Variants in LNX1 observed in about 807,000 individuals in gnomAD.
The protein encoded by LNX1 is ligand of numb-protein X 1.
Under a neutral mutation model 68.4 loss-of-function variants are expected in LNX1, and 54 were observed. The observed-to-expected ratio is 0.79, with a 90% confidence interval of 0.63 to 0.99. The LOEUF (loss-of-function observed/expected upper bound fraction) is 0.99, where lower values mean the gene tolerates loss of function less well. LNX1 is among the 50% of genes least tolerant of loss of function. The pLI is 0.00. For synonymous variants in LNX1, 336 were observed against 350.0 expected, an observed-to-expected ratio of 0.96 and a Z score of 0.45; for missense variants, 906 against 926.4, an observed-to-expected ratio of 0.98 and a Z score of 0.29.
At chr4:53,563,930 A>G (rs1730457046) in intron 2 of LNX1, among the ~76,000 whole-genome samples, 2 of 152,230 alleles carry the variant, frequency 1.3e-5, no homozygotes, top group East Asian at 1.9e-4. Flanking sequence ...TACATACAAC[A>G]TATTTGTGGA....
At chr4:53,558,663 G>A (rs796196456) in intron 2 of LNX1, among the ~76,000 whole-genome samples, 11 of 152,316 alleles carry the variant, frequency 7.2e-5, no homozygotes, top group African/African-American at 2.6e-4. Flanking sequence ...ATAACAAAGA[G>A]CCTGGATAGA....
At chr4:53,643,776 T>A (rs1734777266) in intron 1 of LNX1, among the ~76,000 whole-genome samples, 1 of 152,138 alleles carries the variant, frequency 6.6e-6, no homozygotes, top group Non-Finnish European at 1.5e-5. Flanking sequence ...ACCTGAAACA[T>A]GGAAATAACA....
intron 9 of LNX1, among the ~76,000 whole-genome samples, chr4:53,471,029 C>T (rs74794020): frequency 0.52 from 34,976 of 66,850 alleles, 10,602 homozygotes; most frequent in Middle Eastern, 0.66. Flanking sequence ...GCCCGCATTG[C>T]CAAGTCAATC....
chr4:53,521,790 C>T (rs1385143484), intron 2 of LNX1, among the ~76,000 whole-genome samples: 1 of 151,982 alleles, frequency 6.6e-6, no homozygotes, highest in Non-Finnish European at 1.5e-5. Flanking sequence ...CTTCTATCAC[C>T]CTTGGGCCAG....
intron 2 of LNX1, among the ~76,000 whole-genome samples, chr4:53,568,448 C>G (rs199824448): frequency 9.9e-5 from 15 of 152,130 alleles, no homozygotes; most frequent in Non-Finnish European, 1.5e-4. Context: ...ATTCAACAAC[C>G]TTTCATGCTA....
In LNX1 at chr4:53,556,272, A is replaced by G. The variant is rs727943; in HGVS notation, c.380+17351T>C. Reference sequence around the variant, plus strand: ...CCACAAGCCAAGGAACACCTGCAGCACCCCCCTCCACAAAACTAGAAGAAT... The same window carrying G: ...CCACAAGCCAAGGAACACCTGCAGCGCCCCCCTCCACAAAACTAGAAGAAT... On this transcript the variant is annotated intron_variant, in intron 2 of 10. Coordinates refer to ENST00000263925, the MANE Select transcript of LNX1 (RefSeq NM_001126328.3). Among the ~76,000 whole-genome samples, 557 of 151,990 alleles carry G rather than the reference A, an allele frequency of 3.7e-3. 5 individuals carry two copies. The highest frequency in any genetic ancestry group is 0.013 in the African/African-American group (538 of 41,408).
At chr4:53,554,549 A>T (rs1265888726) in intron 2 of LNX1, among the ~76,000 whole-genome samples, 5 of 152,212 alleles carry the variant, frequency 3.3e-5, no homozygotes, top group Non-Finnish European at 2.9e-5. Flanking sequence ...TGCCCGAATG[A>T]TACATGTTTT....
At chr4:53,517,265 T>A (rs988385478) in intron 2 of LNX1, among the ~76,000 whole-genome samples, 3 of 152,216 alleles carry the variant, frequency 2.0e-5, no homozygotes, top group Non-Finnish European at 4.4e-5. Flanking sequence ...CTTGATCTTT[T>A]TTTTTGAAAG....
chr4:53,601,810 A>T (rs925395598), intron 2 of LNX1, among the ~76,000 whole-genome samples: 3 of 152,066 alleles, frequency 2.0e-5, no homozygotes, highest in African/African-American at 7.2e-5. Flanking sequence ...GGAATAAGGA[A>T]CCACATGCCA....
upstream of LNX1, among the ~76,000 whole-genome samples, chr4:53,620,327 C>A (rs1357456945): frequency 6.6e-6 from 1 of 152,122 alleles, no homozygotes; most frequent in East Asian, 1.9e-4. Context: ...ATTATAAATG[C>A]AAACTCTCAA....
chr4:53,468,854 C>G (rs1722912642), intron 9 of LNX1, among the ~76,000 whole-genome samples: 1 of 152,158 alleles, frequency 6.6e-6, no homozygotes, highest in Non-Finnish European at 1.5e-5. Flanking sequence ...TCCTTAGTGA[C>G]CTACAAAGAG....
chr4:53,647,924 T>C (rs1164476465), intron 1 of LNX1, among the ~76,000 whole-genome samples: 2 of 152,274 alleles, frequency 1.3e-5, no homozygotes, highest in South Asian at 2.1e-4. Flanking sequence ...TCAACCATGA[T>C]GTGGCATGTG....
rs183441243 is a variant in LNX1, at chr4:53,598,597, G to A, written c.-214-7082C>T. ...CGAGGAAAGGAATGTGACTTTCCAC[G>A]TACTCTCAGGACTTAGCCTGGTATC... is the stretch of plus-strand genomic sequence containing the variant. On this transcript the variant is annotated intron_variant, in intron 2 of 3. Transcript: ENST00000504299. 3.5e-3 allele frequency among the ~76,000 whole-genome samples: 528 copies of A among 152,212 alleles called. 8 individuals carry two copies. The highest frequency in any genetic ancestry group is 2.0e-3 in the Non-Finnish European group (139 of 68,010).
In LNX1 at chr4:53,610,715, G is replaced by GAAAAAAA. The variant is rs10553873; in HGVS notation, c.-215+5795_-215+5801dup. Among the ~76,000 whole-genome samples the GAAAAAAA allele has an allele frequency of 3.7e-3, 420 of 112,382 alleles. 2 individuals carry two copies. The highest frequency in any genetic ancestry group is 6.1e-3 in the East Asian group (22 of 3,608). The allele number at this position is 112,382 out of a possible 152,430, so 73.7% of individuals were successfully genotyped here. A position where few individuals can be genotyped will look rare whatever the true frequency, so the allele number is the denominator to read the frequency against. On this transcript the variant is annotated intron_variant, in intron 2 of 3. Transcript: ENST00000504299. ...AGAGCAAGACTCCCGTCTCAAAGAG[G>GAAAAAAA]AAAAAAAAAAAAAAAAAAGAAATAA...
intron 9 of LNX1, among the ~76,000 whole-genome samples, chr4:53,464,225 T>G (rs1722467312): frequency 6.6e-6 from 1 of 152,104 alleles, no homozygotes; most frequent in South Asian, 2.1e-4. Flanking sequence ...CCAATTTATA[T>G]GAACTATGAC....
In LNX1 at chr4:53,466,459, G is replaced by A. The variant is rs754183022; in HGVS notation, c.1893-4866C>T. ...TTTCTGCATTTCCAACTGAGATACTGGGTTCATCTCACTAGGGAGTGCCAG... is the reference window on the plus strand; with the variant it reads ...TTTCTGCATTTCCAACTGAGATACTAGGTTCATCTCACTAGGGAGTGCCAG... On this transcript the variant is annotated intron_variant, in intron 9 of 10. Transcript: ENST00000263925. 4.6e-5 allele frequency among the ~76,000 whole-genome samples: 7 copies of A among 152,350 alleles called. No homozygotes were observed. The South Asian group carries it at 1.2e-3, about 27-fold the overall frequency.
intron 9 of LNX1, among the ~76,000 whole-genome samples, chr4:53,468,083 G>A (rs1451770945): frequency 6.6e-6 from 1 of 152,160 alleles, no homozygotes; most frequent in Non-Finnish European, 1.5e-5. Flanking sequence ...GTTCAGGGCA[G>A]CCAGAGAGAA....
intron 9 of LNX1, among the ~76,000 whole-genome samples, chr4:53,474,496 G>A (rs938142098): frequency 1.2e-4 from 18 of 152,146 alleles, no homozygotes; most frequent in African/African-American, 4.3e-4. Flanking sequence ...GAAAAGATTT[G>A]CCAACCTCTG....
intron 2 of LNX1, among the ~76,000 whole-genome samples, chr4:53,568,650 A>T (rs1730901960): frequency 6.6e-6 from 1 of 151,048 alleles, no homozygotes; most frequent in South Asian, 2.1e-4. Flanking sequence ...TAGTGTTGGA[A>T]GTTCTGGCCA....
Sources: allele counts gnomAD v4.1 joint callset (sites outside exome capture counted in the v4.1 genomes callset), GRCh38; gene constraint gnomAD v4.1.1; transcripts MANE v1.5; gene names NCBI Gene and HGNC (gene_info 2026-07-23, HGNC 2026-07-21).